CCBE1: variants seen among roughly 807,000 people sequenced by gnomAD.
CCBE1 encodes collagen and calcium binding EGF domains 1.
A neutral mutation model predicts 50.0 loss-of-function variants in CCBE1; 37 were observed. That is an observed-to-expected ratio of 0.74 (90% CI 0.57 to 0.97). CCBE1 has a LOEUF of 0.97. Among genes scored for constraint, CCBE1 ranks in the 50% least tolerant of loss-of-function variants. The pLI is 0.00. For missense variants in CCBE1, 538 were observed against 523.8 expected, an observed-to-expected ratio of 1.03 and a Z score of -0.26; for synonymous variants, 234 against 203.7, an observed-to-expected ratio of 1.15 and a Z score of -1.27.
intron 2 of CCBE1, among the ~76,000 whole-genome samples, chr18:59,636,538 C>T (rs940662907): frequency 6.6e-6 from 1 of 152,186 alleles, no homozygotes; most frequent in Non-Finnish European, 1.5e-5. Flanking sequence ...GACTTACAGT[C>T]AAAAGTCACA....
At chr18:59,440,320 T>C (rs1160365070) in intron 7 of CCBE1, among the ~76,000 whole-genome samples, 1 of 152,222 alleles carries the variant, frequency 6.6e-6, no homozygotes, top group African/African-American at 2.4e-5. Context: ...TCTGTAAAAG[T>C]GGGCTAATAA....
At chr18:59,615,497 C>T (rs1599065876) in intron 2 of CCBE1, among the ~76,000 whole-genome samples, 3 of 107,482 alleles carry the variant, frequency 2.8e-5, no homozygotes, top group African/African-American at 4.2e-5. Context: ...GACCAACTGT[C>T]GGAGAAAAAA....
At chr18:59,554,828 G>T (rs1449005497) in intron 2 of CCBE1, among the ~76,000 whole-genome samples, 2 of 152,224 alleles carry the variant, frequency 1.3e-5, no homozygotes, top group African/African-American at 4.8e-5. Flanking sequence ...GACAAAAGAA[G>T]GGGTAGGTTC....
chr18:59,488,557 G>A (rs1205191377), intron 2 of CCBE1, among the ~76,000 whole-genome samples: 2 of 152,164 alleles, frequency 1.3e-5, no homozygotes, highest in Non-Finnish European at 2.9e-5. Flanking sequence ...GGCCGCAAGC[G>A]ATGATCTTTT....
At chr18:59,608,824 G>T (rs949343212) in intron 2 of CCBE1, among the ~76,000 whole-genome samples, 1 of 152,138 alleles carries the variant, frequency 6.6e-6, no homozygotes, top group African/African-American at 2.4e-5. Context: ...CTACACATTA[G>T]ATCCTTGCTG....
chr18:59,447,742 T>C (rs898813014), intron 7 of CCBE1, among the ~76,000 whole-genome samples: 1 of 152,212 alleles, frequency 6.6e-6, no homozygotes, highest in African/African-American at 2.4e-5. Context: ...TTAGGAATCT[T>C]ATCCAATCCC....
At position 59,541,954 on chromosome 18, in the gene CCBE1, A is replaced by G. The variant is rs565712350; in HGVS notation, c.213-61716T>C. On this transcript the variant is annotated intron_variant, in intron 2 of 10. Transcript: ENST00000439986. ...CACTTTGGGAGGCTGAAGTGGGTGGATAGCTTGAGCCCAGGAGTTCAAGAC... is the reference window on the plus strand; with the variant it reads ...CACTTTGGGAGGCTGAAGTGGGTGGGTAGCTTGAGCCCAGGAGTTCAAGAC... Among the ~76,000 whole-genome samples the G allele has an allele frequency of 2.6e-5, 4 of 152,288 alleles. No homozygotes were observed. The South Asian group carries it at 6.2e-4, about 24-fold the overall frequency.
chr18:59,513,828 A>C (rs1174377898), intron 2 of CCBE1, among the ~76,000 whole-genome samples: 1 of 152,302 alleles, frequency 6.6e-6, no homozygotes, highest in Admixed American at 6.5e-5. Flanking sequence ...CTCATGTCTG[A>C]CTGGCTCCAA....
intron 2 of CCBE1, among the ~76,000 whole-genome samples, chr18:59,658,321 TAAAAAAAAAAAA>T (rs1157998930): frequency 6.1e-3 from 39 of 6,416 alleles, no homozygotes; most frequent in Non-Finnish European, 7.4e-3. Context: ...ACCCTGTCTC[TAAAAAAAAAAAA>T]AAAAAAAAAA....
intron 2 of CCBE1, among the ~76,000 whole-genome samples, chr18:59,652,829 C>T (rs998568477): frequency 2.0e-5 from 3 of 151,988 alleles, no homozygotes; most frequent in African/African-American, 7.2e-5. Context: ...CCGGGCGTGG[C>T]GGCGGGCGCC....
At chr18:59,639,490 A>G (rs1316261484) in intron 2 of CCBE1, among the ~76,000 whole-genome samples, 1 of 152,224 alleles carries the variant, frequency 6.6e-6, no homozygotes, top group Admixed American at 6.5e-5. Context: ...GAAGGAACGT[A>G]CTGCAAAATA....
At chr18:59,494,231 T>C (rs1913242487) in intron 2 of CCBE1, among the ~76,000 whole-genome samples, 1 of 152,226 alleles carries the variant, frequency 6.6e-6, no homozygotes, top group Non-Finnish European at 1.5e-5. Flanking sequence ...CCTAGAAAGA[T>C]ATACATAAGG....
At chr18:59,620,844 T>C (rs187738651) in intron 2 of CCBE1, among the ~76,000 whole-genome samples, 1 of 152,324 alleles carries the variant, frequency 6.6e-6, no homozygotes, top group East Asian at 1.9e-4. Context: ...GGTATGTCTT[T>C]ATCAGCAATG....
In CCBE1 at chr18:59,436,055, C is replaced by T. The variant is rs750153212; in HGVS notation, c.1074G>A (p.Gly358=). 3 of 1,614,140 alleles carry T rather than the reference C, an allele frequency of 1.9e-6. 1 individual carries two copies. The South Asian group carries it at 3.3e-5, about 18-fold the overall frequency. The change falls in exon 11 of 11, where the codon GGG becomes GGA. Residue 358 remains glycine, a synonymous_variant. Transcript: ENST00000439986. ...DITELQEKVF[G]HRTHSSAEEF... ...CCTCTGCTGAAGAGTGAGTCCGGTG[C>T]CCGAACACCTTTTCCTGCAGCTCAG...
intron 2 of CCBE1, among the ~76,000 whole-genome samples, chr18:59,593,105 G>A (rs1049615879): frequency 6.6e-6 from 1 of 152,154 alleles, no homozygotes; most frequent in African/African-American, 2.4e-5. Context: ...GGACATCTAA[G>A]GTTGCTGAAA....
rs149785891 is a variant in CCBE1, at chr18:59,571,934, C to A, written c.213-91696G>T. Among the ~76,000 whole-genome samples, 78 of 152,300 alleles carry A rather than the reference C, an allele frequency of 5.1e-4. 3 individuals carry two copies. The East Asian group carries it at 0.014, about 28-fold the overall frequency. On this transcript the variant is annotated intron_variant, in intron 2 of 10. Transcript: ENST00000439986. ...TGGCAAATGTTGTTTAGACACAGTT[C>A]ACCCTTTAGACTACTGGAAATTCTA...
In CCBE1 at chr18:59,489,482, C is replaced by T. The variant is rs1450574985; in HGVS notation, c.213-9244G>A. On this transcript the variant is annotated intron_variant, in intron 2 of 10. Transcript: ENST00000439986. Reference sequence around the variant, plus strand: ...ATGCTGGAGTGCAGTGGTACAATCGCAGCTCACTGCAACCTCTACCTCCTG... The same window carrying T: ...ATGCTGGAGTGCAGTGGTACAATCGTAGCTCACTGCAACCTCTACCTCCTG... Among the ~76,000 whole-genome samples, 9 of 152,202 alleles carry T rather than the reference C, an allele frequency of 5.9e-5. No individual in the cohort carries two copies. The East Asian group carries it at 1.7e-3, about 29-fold the overall frequency.
At chr18:59,466,930 G>T (rs1911779986) in intron 4 of CCBE1, 39 bp from the exon 5 acceptor site, 5 of 1,560,920 alleles carry the variant, frequency 3.2e-6, no homozygotes, top group Non-Finnish European at 3.5e-6. Context: ...AAGTTTCTGA[G>T]AATTCACTTC....
At chr18:59,458,444 C>A (rs1022397809) in intron 5 of CCBE1, among the ~76,000 whole-genome samples, 1 of 152,230 alleles carries the variant, frequency 6.6e-6, no homozygotes, top group African/African-American at 2.4e-5. Flanking sequence ...CTTTTACATA[C>A]TCAGTTAAAT....
Sources: gnomAD v4.1 joint callset for allele counts (sites outside exome capture counted in the v4.1 genomes callset) on GRCh38, gnomAD v4.1.1 for gene constraint, MANE v1.5 for transcripts, NCBI Gene and HGNC (gene_info 2026-07-23, HGNC 2026-07-21) for gene names.